Variants in FAM76A observed in about 807,000 individuals in gnomAD.
FAM76A encodes the protein protein FAM76A.
Under a neutral mutation model 46.2 loss-of-function variants are expected in FAM76A, and 32 were observed. The observed-to-expected ratio is 0.69, with a 90% CI of 0.52 to 0.93. FAM76A has a LOEUF of 0.93. Among genes scored for constraint, FAM76A ranks in the 40% least tolerant of loss-of-function variants. The pLI is 0.00. For synonymous variants in FAM76A, 137 were observed against 127.0 expected, an observed-to-expected ratio of 1.08 and a Z score of -0.53; for missense variants, 274 against 361.5, an observed-to-expected ratio of 0.76 and a Z score of 1.96.
chr1:27,726,149 G>T lies in FAM76A; in HGVS notation c.69G>T (p.Gln23His). 1 of 1,305,398 alleles carries T rather than the reference G, an allele frequency of 7.7e-7. No individual in the cohort carries two copies. Among genetic ancestry groups the T allele is most frequent in the African/African-American group, 1.5e-5 (1 of 66,084 alleles). The allele number at this position is 1,305,398 out of a possible 1,614,324, so 80.9% of individuals were successfully genotyped here. A position where few individuals can be genotyped will look rare whatever the true frequency, so the allele number is the denominator to read the frequency against. ...CCTTCGAGGCGCTGTCTCAGGGGCA[G>T]CAGCTGTGCAAGGTGCGCGGGCTGG... The part of the protein sequence containing the change: ...RFPFEALSQG[Q>H]QLCKECRIAH... The change falls in exon 1 of 9, where the codon CAG becomes CAT. Residue 23 changes from glutamine to histidine, a missense_variant. By Grantham distance (24) the Gln-to-His change is conservative. Coordinates refer to ENST00000373954, the MANE Select transcript of FAM76A (RefSeq NM_152660.3).
chr1:27,725,981 C>CGCAGCCA lies in FAM76A; in HGVS notation c.-93_-87dup, dbSNP rs1278946091. ...GACCCGCCTGCGCCCGCCCGCCTGC[C>CGCAGCCA]GCAGCCAGCAGCCTGCAGCCGCCGC... On this transcript the variant is annotated 5_prime_UTR_variant, in exon 1 of 9. Transcript: ENST00000373954. 1.0e-6 allele frequency: 1 copy of CGCAGCCA among 971,730 alleles called. No homozygotes were observed. The highest frequency in any genetic ancestry group is 1.3e-6 in the Non-Finnish European group (1 of 756,358). 60.2% of individuals were successfully genotyped at this position (971,730 alleles called of 1,614,324 possible).
chr1:27,738,241 C>T (rs931497476), intron 4 of FAM76A, among the ~76,000 whole-genome samples: 1 of 152,004 alleles, frequency 6.6e-6, no homozygotes, highest in Non-Finnish European at 1.5e-5. Flanking sequence ...CCTGTAATCC[C>T]AGCACTTTAG....
intron 5 of FAM76A, among the ~76,000 whole-genome samples, chr1:27,748,515 T>TGCA (rs2088281908): frequency 7.2e-6 from 1 of 139,610 alleles, no homozygotes; most frequent in African/African-American, 2.7e-5. Flanking sequence ...CAGGCTGGAG[T>TGCA]GCAGTGGATT....
chr1:27,733,256 C>G (rs2087989498), intron 3 of FAM76A, among the ~76,000 whole-genome samples: 1 of 151,976 alleles, frequency 6.6e-6, no homozygotes, highest in African/African-American at 2.4e-5. Context: ...AACTTTGACC[C>G]CTTTGTTTGG....
Position 27,726,042 on chromosome 1 carries a change from G to A in FAM76A, c.-39G>A. On this transcript the variant is annotated 5_prime_UTR_variant, in exon 1 of 9. Transcript: ENST00000373954. ...CTCAGACTGTCAGATAAATCGGCGG[G>A]CCGGGCCGGCGGGTCGGTGAGCGCG... The A allele has an allele frequency of 8.0e-7, 1 of 1,253,082 alleles. No homozygotes were observed. Among genetic ancestry groups the A allele is most frequent in the Non-Finnish European group, 1.0e-6 (1 of 997,184 alleles). 77.6% of individuals were successfully genotyped at this position (1,253,082 alleles called of 1,614,324 possible).
intron 5 of FAM76A, among the ~76,000 whole-genome samples, chr1:27,748,536 C>T (rs936452394): frequency 3.1e-5 from 3 of 98,342 alleles, no homozygotes; most frequent in African/African-American, 1.3e-4. Flanking sequence ...GCTGGGAGTG[C>T]AGTGGATTGA....
intron 5 of FAM76A, 46 bp from the exon 6 acceptor site, chr1:27,749,022 A>C (rs1261277971): frequency 7.8e-7 from 1 of 1,289,260 alleles, no homozygotes; most frequent in Admixed American, 2.2e-5. Context: ...ATGTTTTGTT[A>C]ATCTTTGATT....
intron 4 of FAM76A, among the ~76,000 whole-genome samples, chr1:27,738,063 A>G (rs1272629274): frequency 1.3e-5 from 2 of 151,746 alleles, no homozygotes; most frequent in East Asian, 3.9e-4. Flanking sequence ...TAAAATAAAT[A>G]AAATTAGGTC....
chr1:27,743,573 G>C (rs1252175291), intron 4 of FAM76A, among the ~76,000 whole-genome samples: 1 of 152,124 alleles, frequency 6.6e-6, no homozygotes, highest in Non-Finnish European at 1.5e-5. Context: ...AGACCAGCCT[G>C]GGCAACATGG....
At chr1:27,744,580 C>G in intron 4 of FAM76A, 74 bp from the exon 5 acceptor site, 6 of 1,525,162 alleles carry the variant, frequency 3.9e-6, no homozygotes, top group Non-Finnish European at 5.4e-6. Context: ...CCCAAAGATT[C>G]TAGCTCCCAA....
Position 27,730,509 on chromosome 1 carries a change from T to C in FAM76A, c.147-2094T>C, listed in dbSNP as rs192244957. Among the ~76,000 whole-genome samples, 164 of 151,926 alleles carry C rather than the reference T, an allele frequency of 1.1e-3. 1 individual carries two copies. The highest frequency in any genetic ancestry group is 1.8e-3 in the Non-Finnish European group (124 of 67,952). On this transcript the variant is annotated intron_variant, in intron 2 of 8. Coordinates refer to ENST00000373954, the MANE Select transcript of FAM76A (RefSeq NM_152660.3). ...CCTAGAGTTAGTTTTTCTTTGCATG[T>C]TTTTTAACATGTTAGGAACATATGT...
At chr1:27,753,479 T>C (rs2088362787) in intron 6 of FAM76A, among the ~76,000 whole-genome samples, 1 of 152,216 alleles carries the variant, frequency 6.6e-6, no homozygotes, top group Admixed American at 6.5e-5. Context: ...GAGACTGTAA[T>C]AGGTCCTTTC....
intron 7 of FAM76A, among the ~76,000 whole-genome samples, chr1:27,758,281 T>C (rs1445073989): frequency 1.3e-5 from 2 of 152,340 alleles, no homozygotes; most frequent in South Asian, 4.1e-4. Flanking sequence ...CTGACTCTAC[T>C]GTTCTTTCTA....
chr1:27,744,919 C>T, intron 5 of FAM76A, 108 bp downstream of exon 5: 1 of 1,087,444 alleles, frequency 9.2e-7, no homozygotes, highest in Non-Finnish European at 1.3e-6. Flanking sequence ...TTTCTATATT[C>T]TCTGTAGGTA....
At chr1:27,754,156 G>T (rs565710370) in intron 6 of FAM76A, among the ~76,000 whole-genome samples, 1 of 146,632 alleles carries the variant, frequency 6.8e-6, no homozygotes, top group East Asian at 2.0e-4. Context: ...GCCCAGGCTG[G>T]AGTGCAATGG....
chr1:27,752,477 T>C (rs2088347086), intron 6 of FAM76A, among the ~76,000 whole-genome samples: 1 of 152,218 alleles, frequency 6.6e-6, no homozygotes, highest in South Asian at 2.1e-4. Context: ...TTTTTAATCA[T>C]GTGTGTTTAT....
At chr1:27,728,952 A>C (rs1290076781) in intron 2 of FAM76A, among the ~76,000 whole-genome samples, 1 of 150,772 alleles carries the variant, frequency 6.6e-6, no homozygotes, top group Non-Finnish European at 1.5e-5. Context: ...TGACGGGGGG[A>C]AACTCTGTCT....
intron 6 of FAM76A, among the ~76,000 whole-genome samples, chr1:27,751,157 G>A (rs1012271691): frequency 2.7e-4 from 41 of 151,230 alleles, no homozygotes; most frequent in African/African-American, 9.8e-4. Context: ...CAAAAAAAAA[G>A]GTAGGGGAGA....
chr1:27,744,800 C>G lies in FAM76A; in HGVS notation c.501C>G (p.Gly167=). 3.1e-6 allele frequency: 5 copies of G among 1,613,792 alleles called. No individual in the cohort carries two copies. The highest frequency in any genetic ancestry group is 3.4e-6 in the Non-Finnish European group (4 of 1,179,838). Residue 167 remains glycine, a synonymous_variant, in exon 5 of 9, where the codon GGC becomes GGG. Coordinates refer to ENST00000373954, the MANE Select transcript of FAM76A (RefSeq NM_152660.3). The part of the protein sequence containing the change: ...KEQYSRLSGG[G]HYNSQKTLST... ...AGTATAGTCGCCTGAGTGGTGGTGG[C>G]CATTATAACAGGTAACCTCAAGACA... is the stretch of plus-strand genomic sequence containing the variant.
Sources: allele counts gnomAD v4.1 joint callset (sites outside exome capture counted in the v4.1 genomes callset), GRCh38; gene constraint gnomAD v4.1.1; transcripts MANE v1.5; gene names NCBI Gene and HGNC (gene_info 2026-07-23, HGNC 2026-07-21).